ZNF496: variants seen among roughly 807,000 people sequenced by gnomAD.
The protein encoded by ZNF496 is zinc finger protein 496.
A neutral mutation model predicts 58.9 loss-of-function variants in ZNF496; 11 were observed. That is an observed-to-expected ratio of 0.19 (90% CI 0.12 to 0.31). The LOEUF (loss-of-function observed/expected upper bound fraction) is 0.31, where lower values mean the gene tolerates loss of function less well. Among genes scored for constraint, ZNF496 ranks in the 10% least tolerant of loss-of-function variants. ZNF496 has a pLI of 1.00. For missense variants in ZNF496, 660 were observed against 783.0 expected (o/e 0.84, Z 1.88); for synonymous variants, 338 against 318.2 (o/e 1.06, Z -0.66).
At position 247,329,140 on chromosome 1, in the gene ZNF496, G is replaced by A; in HGVS notation, c.390+49C>T. 6.2e-7 allele frequency: 1 copy of A among 1,612,116 alleles called. No homozygotes were observed. Among genetic ancestry groups the A allele is most frequent in the African/African-American group, 1.3e-5 (1 of 75,002 alleles). ...AGCACATGCATGGCCCAGCCAAAGT[G>A]TCTAAGTACCAGATCTCTACCCGTC... is the stretch of plus-strand genomic sequence containing the variant. On this transcript the variant is annotated intron_variant, in intron 4 of 9. Coordinates refer to ENST00000682384, the MANE Select transcript of ZNF496 (RefSeq NM_032752.3). The surrounding 1 kb of genome is among the most constrained non-coding windows in gnomAD (Gnocchi z 5.5).
At chr1:247,321,735 A>C (rs951827641) in intron 6 of ZNF496, among the ~76,000 whole-genome samples, 1 of 152,248 alleles carries the variant, frequency 6.6e-6, no homozygotes, top group Admixed American at 6.5e-5. Context: ...CTCATTAGGT[A>C]CTGGATTAAC....
rs761124661 is a variant in ZNF496, at chr1:247,309,246, T to A, written c.892+453A>T. The A allele has an allele frequency of 4.1e-4, 144 of 353,498 alleles. No individual in the cohort carries two copies. The highest frequency in any genetic ancestry group is 5.6e-4 in the Non-Finnish European group (138 of 246,938). The allele number at this position is 353,498 out of a possible 1,614,324, so 21.9% of individuals were successfully genotyped here. A position where few individuals can be genotyped will look rare whatever the true frequency, so the allele number is the denominator to read the frequency against. ...ACTGCTGCTGCTGAGCCCCAGCACC[T>A]CCCCACACCCCAGTGTCCTCACAGC... On this transcript the variant is annotated intron_variant, in intron 8 of 9. Coordinates refer to ENST00000682384, the MANE Select transcript of ZNF496 (RefSeq NM_032752.3). The surrounding 1 kb of genome is among the most constrained non-coding windows in gnomAD (Gnocchi z 4.3).
At chr1:247,302,803 G>A (rs960427458) in intron 9 of ZNF496, among the ~76,000 whole-genome samples, 2 of 152,212 alleles carry the variant, frequency 1.3e-5, no homozygotes, top group Non-Finnish European at 2.9e-5. Flanking sequence ...GAGGTCATGT[G>A]TATGATGTAC....
chr1:247,329,492 A>T lies in ZNF496; in HGVS notation c.87T>A (p.Pro29=), dbSNP rs757758643. The T allele has an allele frequency of 4.4e-6, 7 of 1,603,182 alleles. No homozygotes were observed. Among genetic ancestry groups the T allele is most frequent in the Non-Finnish European group, 6.0e-6 (7 of 1,176,412 alleles). Residue 29 remains proline, a synonymous_variant, in exon 4 of 10, where the codon CCT becomes CCA. Coordinates refer to ENST00000682384, the MANE Select transcript of ZNF496 (RefSeq NM_032752.3). This position sits in a 1 kb window ranked among gnomAD's most constrained non-coding sequence, Gnocchi z 5.5. ...RKMRSPPGEN[P]SPQGELPSPE... is the part of the protein sequence containing the mutation. ...GGCTGGGAAGCTCCCCCTGGGGGCTAGGGTTCTCTCCAGGTGGGCTCCTCA... is the reference window on the plus strand; with the variant it reads ...GGCTGGGAAGCTCCCCCTGGGGGCTTGGGTTCTCTCCAGGTGGGCTCCTCA...
In ZNF496 at chr1:247,300,279, G is replaced by A. The variant is rs1018405309; in HGVS notation, c.*240C>T. On this transcript the variant is annotated 3_prime_UTR_variant, in exon 10 of 10. Transcript: ENST00000682384. The surrounding 1 kb of genome is among the most constrained non-coding windows in gnomAD (Gnocchi z 5.7). ...ACCTGGCATGTCCAACCTGGTGATG[G>A]CACATCCCCCCCGTTTTTTGGCACA... The A allele has an allele frequency of 3.0e-5, 13 of 432,024 alleles. No homozygotes were observed. Among genetic ancestry groups the A allele is most frequent in the African/African-American group, 1.6e-4 (8 of 50,798 alleles). The allele number at this position is 432,024 out of a possible 1,614,324, so 26.8% of individuals were successfully genotyped here. A position where few individuals can be genotyped will look rare whatever the true frequency, so the allele number is the denominator to read the frequency against.
chr1:247,328,919 C>T, intron 4 of ZNF496, 53 bp from the exon 5 acceptor site: 1 of 1,537,186 alleles, frequency 6.5e-7, no homozygotes, highest in Non-Finnish European at 8.7e-7. Context: ...CCCATCTCTC[C>T]CTGGGCCTGG....
chr1:247,329,285 G>C lies in ZNF496; in HGVS notation c.294C>G (p.Ile98Met). 1 of 1,613,658 alleles carries C rather than the reference G, an allele frequency of 6.2e-7. No individual in the cohort carries two copies. The highest frequency in any genetic ancestry group is 8.5e-7 in the Non-Finnish European group (1 of 1,180,004). ...GCTCCTGCGCCCGCACCCAGCTCTG[G>C]ATCTCCCGGGGCAGGATGGCCAGGA... ...EQFLAILPRE[I>M]QSWVRAQEPE... Residue 98 changes from isoleucine (I) to methionine (M), a missense_variant, in exon 4 of 10, where the codon ATC becomes ATG. Coordinates refer to ENST00000682384, the MANE Select transcript of ZNF496 (RefSeq NM_032752.3). The surrounding 1 kb of genome is among the most constrained non-coding windows in gnomAD (Gnocchi z 5.5).
rs1572065857 is a variant in ZNF496, at chr1:247,299,649, T to C, written c.*870A>G. 6.6e-6 allele frequency: 1 copy of C among 152,176 alleles called. No homozygotes were observed. Among genetic ancestry groups the C allele is most frequent in the Non-Finnish European group, 1.5e-5 (1 of 68,046 alleles). The allele number at this position is 152,176 out of a possible 1,614,324, so 9.4% of individuals were successfully genotyped here. A position where few individuals can be genotyped will look rare whatever the true frequency, so the allele number is the denominator to read the frequency against. On this transcript the variant is annotated 3_prime_UTR_variant, in exon 10 of 10. Transcript: ENST00000682384. ...GCTCCACATTCCTAGACAGGACAGA[T>C]TGGAAGAAGGGACTTAAGTGCCTTT...
In ZNF496 at chr1:247,309,648, C is replaced by T. The variant is rs753571282; in HGVS notation, c.892+51G>A. The T allele has an allele frequency of 1.2e-6, 2 of 1,606,288 alleles. No individual in the cohort carries two copies. Among genetic ancestry groups the T allele is most frequent in the Non-Finnish European group, 1.7e-6 (2 of 1,175,624 alleles). ...AGAGAGTGGGCTCACCTCCGGCTGC[C>T]AGCAACCCTTCCCCCTACTCTGTCC... On this transcript the variant is annotated intron_variant, in intron 8 of 9. Transcript: ENST00000682384. This position sits in a 1 kb window ranked among gnomAD's most constrained non-coding sequence, Gnocchi z 4.3.
At position 247,309,385 on chromosome 1, in the gene ZNF496, A is replaced by C. The variant is rs1273945176; in HGVS notation, c.892+314T>G. On this transcript the variant is annotated intron_variant, in intron 8 of 9. Transcript: ENST00000682384. The surrounding 1 kb of genome is among the most constrained non-coding windows in gnomAD (Gnocchi z 4.3). ...CAACTAGGCTTGTCATGAGTATCTGACTTCACTCCTGGAGGGGCTGCTGCA... is the reference window on the plus strand; with the variant it reads ...CAACTAGGCTTGTCATGAGTATCTGCCTTCACTCCTGGAGGGGCTGCTGCA... The C allele has an allele frequency of 6.8e-6, 8 of 1,179,324 alleles. No individual in the cohort carries two copies. Among genetic ancestry groups the C allele is most frequent in the Non-Finnish European group, 8.4e-6 (8 of 949,108 alleles). 73.1% of individuals were successfully genotyped at this position (1,179,324 alleles called of 1,614,324 possible). A position where few individuals can be genotyped will look rare whatever the true frequency, so the allele number is the denominator to read the frequency against.
intron 9 of ZNF496, among the ~76,000 whole-genome samples, chr1:247,306,507 T>C (rs12022320): frequency 0.01 from 1,513 of 147,702 alleles, 24 homozygotes; most frequent in African/African-American, 0.035. Flanking sequence ...GTTTTTTTTT[T>C]CTTTTTCTTT....
chr1:247,300,354 A>C lies in ZNF496; in HGVS notation c.*165T>G. On this transcript the variant is annotated 3_prime_UTR_variant, in exon 10 of 10. Transcript: ENST00000682384. This position sits in a 1 kb window ranked among gnomAD's most constrained non-coding sequence, Gnocchi z 5.7. Reference sequence around the variant, plus strand: ...CACTCTTTCATTACCTGGGGGAGGGAGAGTGCTCCCATGGCACCACCCGAA... The same window carrying C: ...CACTCTTTCATTACCTGGGGGAGGGCGAGTGCTCCCATGGCACCACCCGAA... 1.6e-6 allele frequency: 1 copy of C among 631,356 alleles called. No homozygotes were observed. Among genetic ancestry groups the C allele is most frequent in the Non-Finnish European group, 2.5e-6 (1 of 401,024 alleles). 39.1% of individuals were successfully genotyped at this position (631,356 alleles called of 1,614,324 possible). A position where few individuals can be genotyped will look rare whatever the true frequency, so the allele number is the denominator to read the frequency against.
At chr1:247,315,312 C>G (rs765547229) in intron 6 of ZNF496, among the ~76,000 whole-genome samples, 1 of 152,068 alleles carries the variant, frequency 6.6e-6, no homozygotes, top group Non-Finnish European at 1.5e-5. Context: ...CTGCAAAATG[C>G]GTGGCCTGAG....
Position 247,307,953 on chromosome 1 carries a change from G to A in ZNF496, c.1006+522C>T, listed in dbSNP as rs1271353316. The A allele has an allele frequency of 3.0e-6, 3 of 985,296 alleles. No individual in the cohort carries two copies. In the African/African-American group the frequency reaches 5.2e-5, roughly 17 times the overall value. 61.0% of individuals were successfully genotyped at this position (985,296 alleles called of 1,614,324 possible). On this transcript the variant is annotated intron_variant, in intron 9 of 9. Coordinates refer to ENST00000682384, the MANE Select transcript of ZNF496 (RefSeq NM_032752.3). ...AACATACACTTTCCAAGAGTCCTGT[G>A]CAGCTTCAGTATGCCAGAAACCTGC...
At chr1:247,327,236 G>C (rs1202606895) in intron 5 of ZNF496, among the ~76,000 whole-genome samples, 3 of 152,168 alleles carry the variant, frequency 2.0e-5, no homozygotes, top group Non-Finnish European at 4.4e-5. Context: ...AACTAATTTT[G>C]TATTTTTAGT....
rs1659223917 is a variant in ZNF496, at chr1:247,301,161, C to G, written c.1122G>C (p.Glu374Asp). Residue 374 changes from glutamate to aspartate, a missense_variant, in exon 10 of 10, where the codon GAG becomes GAC. Transcript: ENST00000682384. ...DSQHGPYCTE[E>D]LGSPTEKQRS... is the part of the protein sequence containing the mutation. Reference sequence around the variant, plus strand: ...GCTGCTTCTCTGTGGGGCTCCCCAGCTCTTCTGTGCAGTACGGGCCATGCT... The same window carrying G: ...GCTGCTTCTCTGTGGGGCTCCCCAGGTCTTCTGTGCAGTACGGGCCATGCT... The G allele has an allele frequency of 1.9e-6, 3 of 1,612,568 alleles. No homozygotes were observed. The highest frequency in any genetic ancestry group is 1.7e-6 in the Non-Finnish European group (2 of 1,179,410).
At position 247,329,820 on chromosome 1, in the gene ZNF496, G is replaced by A. The variant is rs1018075372; in HGVS notation, c.-38+146C>T. 1.6e-5 allele frequency: 7 copies of A among 445,926 alleles called. No individual in the cohort carries two copies. The highest frequency in any genetic ancestry group is 6.1e-5 in the African/African-American group (3 of 48,896). 27.6% of individuals were successfully genotyped at this position (445,926 alleles called of 1,614,324 possible). ...GCCCTCCCCCCATCAGTACCATTAC[G>A]TGTGGATTCCCGTTAAGTGGGTGAC... On this transcript the variant is annotated intron_variant, in intron 3 of 9. Coordinates refer to ENST00000682384, the MANE Select transcript of ZNF496 (RefSeq NM_032752.3). The surrounding 1 kb of genome is among the most constrained non-coding windows in gnomAD (Gnocchi z 5.5).
At position 247,299,309 on chromosome 1, in the gene ZNF496, A is replaced by T. The variant is rs1659164775; in HGVS notation, c.*1210T>A. On this transcript the variant is annotated 3_prime_UTR_variant, in exon 10 of 10. Coordinates refer to ENST00000682384, the MANE Select transcript of ZNF496 (RefSeq NM_032752.3). Reference sequence around the variant, plus strand: ...GGGAGGTTTGGAGACAGACACGCACACAGCAAGAGTGCCATGTGGAGATGA... The same window carrying T: ...GGGAGGTTTGGAGACAGACACGCACTCAGCAAGAGTGCCATGTGGAGATGA... The T allele has an allele frequency of 6.6e-6, 1 of 152,262 alleles. No individual in the cohort carries two copies. The highest frequency in any genetic ancestry group is 6.5e-5 in the Admixed American group (1 of 15,282). The allele number at this position is 152,262 out of a possible 1,614,324, so 9.4% of individuals were successfully genotyped here.
chr1:247,300,456 C>T lies in ZNF496; in HGVS notation c.*63G>A. 6.6e-7 allele frequency: 1 copy of T among 1,511,694 alleles called. No individual in the cohort carries two copies. The highest frequency in any genetic ancestry group is 2.3e-5 in the East Asian group (1 of 43,872). The allele number at this position is 1,511,694 out of a possible 1,614,324, so 93.6% of individuals were successfully genotyped here. On this transcript the variant is annotated 3_prime_UTR_variant, in exon 10 of 10. Coordinates refer to ENST00000682384, the MANE Select transcript of ZNF496 (RefSeq NM_032752.3). This position sits in a 1 kb window ranked among gnomAD's most constrained non-coding sequence, Gnocchi z 5.7. Reference sequence around the variant, plus strand: ...GGAAGGTATGTCCTGGGTGGGGGCGCTGATCAGTACCAAGGTGAGGGGGCA... The same window carrying T: ...GGAAGGTATGTCCTGGGTGGGGGCGTTGATCAGTACCAAGGTGAGGGGGCA...
Sources: allele counts gnomAD v4.1 joint callset (sites outside exome capture counted in the v4.1 genomes callset), GRCh38; gene constraint gnomAD v4.1.1; non-coding constraint Gnocchi (gnomAD v3.1); transcripts MANE v1.5; gene names NCBI Gene and HGNC (gene_info 2026-07-23, HGNC 2026-07-21).